MIS18A: variants seen among roughly 807,000 people sequenced by gnomAD.
The protein encoded by MIS18A is protein Mis18-alpha.
A neutral mutation model predicts 25.0 loss-of-function variants in MIS18A; 14 were observed. The observed-to-expected ratio is 0.56, with a 90% CI of 0.37 to 0.88. The LOEUF (loss-of-function observed/expected upper bound fraction) is 0.88, where lower values mean the gene tolerates loss of function less well. Ranked by LOEUF, MIS18A falls within the 40% of genes least tolerant of loss-of-function variation. The probability of loss-of-function intolerance (pLI) is 0.00; values close to 1 mark genes in which losing one functional copy is unlikely to be tolerated. For missense variants in MIS18A, 292 were observed against 290.8 expected (o/e 1.00, Z -0.03); for synonymous variants, 134 against 118.6 (o/e 1.13, Z -0.84).
chr21:32,269,252 T>A, intron 4 of MIS18A, 135 bp from the exon 5 acceptor site: 2 of 646,570 alleles, frequency 3.1e-6, no homozygotes, highest in Non-Finnish European at 5.0e-6. Flanking sequence ...ATTCAGTGTT[T>A]AACAAAACTA....
downstream of MIS18A, among the ~76,000 whole-genome samples, chr21:32,265,461 G>C (rs532000562): frequency 6.6e-6 from 1 of 152,234 alleles, no homozygotes; most frequent in Non-Finnish European, 1.5e-5. Flanking sequence ...GGCAATGGGG[G>C]ACTTAGCACC....
At chr21:32,179,699 A>C in the MIS18A span, among the ~76,000 whole-genome samples, 1 of 152,254 alleles carries the variant, frequency 6.6e-6, no homozygotes, top group African/African-American at 2.4e-5. Flanking sequence ...TTTATTGAAA[A>C]GGAAATACAA....
downstream of MIS18A, among the ~76,000 whole-genome samples, chr21:32,264,709 C>T (rs2031561565): frequency 6.6e-6 from 1 of 152,152 alleles, no homozygotes; most frequent in Non-Finnish European, 1.5e-5. Context: ...TTGCTCATGG[C>T]TCCTTGGTTT....
chr21:32,256,755 CTT>C, the MIS18A span, among the ~76,000 whole-genome samples: 1 of 152,110 alleles, frequency 6.6e-6, no homozygotes, highest in African/African-American at 2.4e-5. Flanking sequence ...AGAATTCTGA[CTT>C]TATTACTTCT....
At chr21:32,254,351 C>T in the MIS18A span, among the ~76,000 whole-genome samples, 2 of 151,790 alleles carry the variant, frequency 1.3e-5, no homozygotes, top group Non-Finnish European at 2.9e-5. Context: ...ACTAGCCTGG[C>T]CAACCCTGTC....
At chr21:32,224,843 A>G in the MIS18A span, among the ~76,000 whole-genome samples, 1 of 148,192 alleles carries the variant, frequency 6.7e-6, no homozygotes, top group Non-Finnish European at 1.5e-5. Flanking sequence ...CCAAAAGAAC[A>G]AAGCTGGAGG....
the MIS18A span, among the ~76,000 whole-genome samples, chr21:32,243,491 G>T: frequency 6.6e-6 from 1 of 152,150 alleles, no homozygotes; most frequent in East Asian, 1.9e-4. Context: ...GTTTATCATA[G>T]TCATTAGGCA....
At chr21:32,220,720 C>G in the MIS18A span, among the ~76,000 whole-genome samples, 1 of 151,972 alleles carries the variant, frequency 6.6e-6, no homozygotes, top group Non-Finnish European at 1.5e-5. Flanking sequence ...TCCAAGGAAG[C>G]TAAGAACCTT....
At chr21:32,239,936 C>T in the MIS18A span, among the ~76,000 whole-genome samples, 1 of 152,224 alleles carries the variant, frequency 6.6e-6, no homozygotes, top group South Asian at 2.1e-4. Flanking sequence ...TGGGTTATTC[C>T]TGATCACCTT....
At chr21:32,250,075 A>ATAG in the MIS18A span, among the ~76,000 whole-genome samples, 7 of 152,086 alleles carry the variant, frequency 4.6e-5, no homozygotes, top group African/African-American at 1.7e-4. Context: ...CTGGGACTCG[A>ATAG]CTTTCCTTCC....
chr21:32,223,658 G>C, the MIS18A span, among the ~76,000 whole-genome samples: 2 of 152,094 alleles, frequency 1.3e-5, no homozygotes, highest in African/African-American at 4.8e-5. Flanking sequence ...ACCAAAAAAA[G>C]GCCAAGACCA....
At chr21:32,186,854 G>A in the MIS18A span, among the ~76,000 whole-genome samples, 43 of 152,168 alleles carry the variant, frequency 2.8e-4, no homozygotes, top group Admixed American at 5.9e-4. Context: ...GCTGGTGCAA[G>A]GAGCTCAGAG....
chr21:32,199,329 G>C, the MIS18A span, among the ~76,000 whole-genome samples: 1 of 152,020 alleles, frequency 6.6e-6, no homozygotes, highest in Non-Finnish European at 1.5e-5. Context: ...ACTGGAGTGG[G>C]AGTTGGGGCT....
At chr21:32,275,548 G>A (rs939083218) in intron 1 of MIS18A, among the ~76,000 whole-genome samples, 2 of 152,174 alleles carry the variant, frequency 1.3e-5, no homozygotes, top group Non-Finnish European at 2.9e-5. Flanking sequence ...GTCACTGCTG[G>A]ACTTCAGAGG....
the MIS18A span, among the ~76,000 whole-genome samples, chr21:32,227,917 T>C: frequency 1.3e-5 from 2 of 152,170 alleles, no homozygotes; most frequent in Non-Finnish European, 2.9e-5. Context: ...CAATGCAATA[T>C]GTCATATTAA....
chr21:32,194,573 C>A, the MIS18A span, among the ~76,000 whole-genome samples: 1 of 151,908 alleles, frequency 6.6e-6, no homozygotes, highest in Non-Finnish European at 1.5e-5. Context: ...GCAGGAGAAT[C>A]GCTTGAACCT....
At chr21:32,261,983 A>T in the MIS18A span, among the ~76,000 whole-genome samples, 3 of 152,248 alleles carry the variant, frequency 2.0e-5, no homozygotes, top group East Asian at 5.8e-4. Context: ...ATACTATATT[A>T]ACTGACGCAA....
At chr21:32,258,711 C>T in the MIS18A span, among the ~76,000 whole-genome samples, 1 of 152,142 alleles carries the variant, frequency 6.6e-6, no homozygotes. Context: ...TCAAGAAAGC[C>T]GGGAAGAACT....
At chr21:32,258,714 G>A in the MIS18A span, among the ~76,000 whole-genome samples, 2 of 152,140 alleles carry the variant, frequency 1.3e-5, no homozygotes, top group Admixed American at 6.5e-5. Context: ...AGAAAGCCGG[G>A]AAGAACTGTC....
Sources: gnomAD v4.1 joint callset for allele counts (sites outside exome capture counted in the v4.1 genomes callset) on GRCh38, gnomAD v4.1.1 for gene constraint, MANE v1.5 for transcripts, NCBI Gene and HGNC (gene_info 2026-07-23, HGNC 2026-07-21) for gene names.